SLC41A3: variants seen among roughly 807,000 people sequenced by gnomAD.
SLC41A3 encodes SLC41A1-like 2.
Under a neutral mutation model 45.4 loss-of-function variants are expected in SLC41A3, and 44 were observed. The ratio of observed to expected loss-of-function variants is 0.97; its 90% confidence interval spans 0.76 to 1.25. The LOEUF (loss-of-function observed/expected upper bound fraction) is 1.25. SLC41A3 is among the 50% of genes most tolerant of loss of function. The probability of loss-of-function intolerance (pLI) is 0.00; values close to 1 mark genes in which losing one functional copy is unlikely to be tolerated. For missense variants in SLC41A3, 550 were observed against 600.6 expected (o/e 0.92, Z 0.88); for synonymous variants, 256 against 252.4 (o/e 1.01, Z -0.13).
At chr3:126,093,968 ATAGT>A (rs891345205) in intron 1 of SLC41A3, among the ~76,000 whole-genome samples, 2 of 152,214 alleles carry the variant, frequency 1.3e-5, no homozygotes, top group African/African-American at 4.8e-5. Flanking sequence ...TCAATTTAAC[ATAGT>A]TAGAGTTGGC....
upstream of SLC41A3, among the ~76,000 whole-genome samples, chr3:126,088,993 G>C (rs1277710272): frequency 6.6e-6 from 1 of 152,188 alleles, no homozygotes; most frequent in Non-Finnish European, 1.5e-5. Flanking sequence ...ATGTCTGGTT[G>C]CCCTGAGAAG....
chr3:126,037,413 C>T (rs991240905), intron 3 of SLC41A3, among the ~76,000 whole-genome samples: 24 of 152,106 alleles, frequency 1.6e-4, no homozygotes, highest in African/African-American at 5.8e-4. Context: ...GAGATATGGA[C>T]AGAGAAGGCC....
chr3:126,020,180 T>C (rs1940708636), intron 6 of SLC41A3, among the ~76,000 whole-genome samples: 1 of 152,090 alleles, frequency 6.6e-6, no homozygotes, highest in African/African-American at 2.4e-5. Context: ...ATGACTGGGA[T>C]GGCCAAGGAG....
At chr3:126,095,723 T>C (rs2108138416) in intron 1 of SLC41A3, among the ~76,000 whole-genome samples, 1 of 152,330 alleles carries the variant, frequency 6.6e-6, no homozygotes, top group East Asian at 1.9e-4. Context: ...TTTAGGAAGA[T>C]TGCATTGCAG....
intron 1 of SLC41A3, among the ~76,000 whole-genome samples, chr3:126,076,732 T>C (rs183328717): frequency 2.0e-5 from 3 of 152,298 alleles, no homozygotes; most frequent in Admixed American, 2.0e-4. Context: ...GGGATGACCA[T>C]TCCTCGATCT....
At position 126,090,882 on chromosome 3, in the gene SLC41A3, C is replaced by T. The variant is rs771539171; in HGVS notation, c.-79+10547G>A. 5.9e-5 allele frequency among the ~76,000 whole-genome samples: 9 copies of T among 152,260 alleles called. 1 individual carries two copies. Among genetic ancestry groups the T allele is most frequent in the South Asian group, 4.1e-4 (2 of 4,824 alleles). ...AAACCCTCCAAGTCAATAACAGATA[C>T]GAAGATGCCCTCTTCCGGCCTTTAT... On this transcript the variant is annotated intron_variant, in intron 1 of 9. Coordinates refer to the SLC41A3 transcript ENST00000508835.
intron 6 of SLC41A3, 128 bp from the exon 7 acceptor site, chr3:126,017,003 T>C: frequency 8.6e-7 from 1 of 1,158,018 alleles, no homozygotes; most frequent in Non-Finnish European, 1.2e-6. Flanking sequence ...GGGAACTGCC[T>C]TGCCATACTT....
intron 9 of SLC41A3, among the ~76,000 whole-genome samples, chr3:126,011,186 CA>C (rs1269650368): frequency 2.6e-5 from 4 of 151,138 alleles, no homozygotes; most frequent in African/African-American, 4.9e-5. Flanking sequence ...CTGAAACAAA[CA>C]AAAAAATAGA....
upstream of SLC41A3, among the ~76,000 whole-genome samples, chr3:126,086,409 T>TTTTTTTTG (rs1559897524): frequency 1.7e-4 from 9 of 53,692 alleles, 2 homozygotes; most frequent in African/African-American, 3.0e-4. Flanking sequence ...TGTTTTCTTG[T>TTTTTTTTG]TTTTTTTTTT....
At chr3:126,072,352 A>C (rs935965296) in intron 1 of SLC41A3, among the ~76,000 whole-genome samples, 1 of 149,336 alleles carries the variant, frequency 6.7e-6, no homozygotes, top group Non-Finnish European at 1.5e-5. Context: ...TAATAAATGA[A>C]AGAGAATTGT....
chr3:126,056,111 G>A (rs1003788966), intron 2 of SLC41A3, among the ~76,000 whole-genome samples: 1 of 152,190 alleles, frequency 6.6e-6, no homozygotes, highest in African/African-American at 2.4e-5. Context: ...GGGCTGAGGA[G>A]GCACATGCAG....
intron 2 of SLC41A3, among the ~76,000 whole-genome samples, chr3:126,057,542 G>A (rs1022736218): frequency 4.6e-5 from 7 of 152,146 alleles, no homozygotes; most frequent in Non-Finnish European, 1.0e-4. Flanking sequence ...CACTGTGGTC[G>A]GGTCTAGGCC....
intron 3 of SLC41A3, among the ~76,000 whole-genome samples, chr3:126,046,554 G>A (rs1942972497): frequency 6.6e-6 from 1 of 152,100 alleles, no homozygotes; most frequent in South Asian, 2.1e-4. Flanking sequence ...TAACCAAGAA[G>A]GCAAAAGACT....
At chr3:126,051,216 T>C (rs1051075883) in intron 2 of SLC41A3, among the ~76,000 whole-genome samples, 166 bp from the exon 3 acceptor site, 5 of 152,258 alleles carry the variant, frequency 3.3e-5, no homozygotes, top group African/African-American at 1.2e-4. Flanking sequence ...TAAATGAAGC[T>C]GTGAAAACCT....
chr3:126,084,531 T>G (rs1945333679), upstream of SLC41A3: 1 of 152,240 alleles, frequency 6.6e-6, no homozygotes, highest in Non-Finnish European at 1.5e-5. Context: ...ACGACAAGTC[T>G]GTGCTTCACC....
chr3:126,007,718 T>C (rs1202725284), intron 10 of SLC41A3, among the ~76,000 whole-genome samples: 2 of 152,212 alleles, frequency 1.3e-5, no homozygotes, highest in Non-Finnish European at 2.9e-5. Flanking sequence ...AGTCATAAGC[T>C]GCTGCTGCTC....
At chr3:126,022,761 G>C in intron 6 of SLC41A3, 25 bp downstream of exon 6, 1 of 1,613,732 alleles carries the variant, frequency 6.2e-7, no homozygotes, top group Non-Finnish European at 8.5e-7. Context: ...GAGCCTTTGT[G>C]TCTATAGAAG....
chr3:126,055,187 G>T (rs1330487140), intron 2 of SLC41A3, among the ~76,000 whole-genome samples: 2 of 152,146 alleles, frequency 1.3e-5, no homozygotes, highest in Non-Finnish European at 1.5e-5. Context: ...GTCCTCATGG[G>T]TTGAAATTTT....
chr3:126,028,914 C>T (rs534849573), intron 4 of SLC41A3, among the ~76,000 whole-genome samples: 11 of 152,360 alleles, frequency 7.2e-5, no homozygotes, highest in East Asian at 1.9e-4. Flanking sequence ...TTCTGCATGA[C>T]GCCCATAACC....
Sources: allele counts gnomAD v4.1 joint callset (sites outside exome capture counted in the v4.1 genomes callset), GRCh38; gene constraint gnomAD v4.1.1; transcripts MANE v1.5; gene names NCBI Gene and HGNC (gene_info 2026-07-23, HGNC 2026-07-21).